The following BTBD9 variants were observed in gnomAD, a reference collection of about 807,000 sequenced individuals.
The protein encoded by BTBD9 is BTB/POZ domain-containing protein 9.
In BTBD9, 49 loss-of-function variants were observed where a neutral mutation model predicts 64.3. The observed-to-expected ratio is 0.76, with a 90% CI of 0.61 to 0.97. The LOEUF (loss-of-function observed/expected upper bound fraction) is 0.97, where lower values mean the gene tolerates loss of function less well. Among genes scored for constraint, BTBD9 ranks in the 50% least tolerant of loss-of-function variants. The probability of loss-of-function intolerance (pLI) is 0.00; values close to 1 mark genes in which losing one functional copy is unlikely to be tolerated. For synonymous variants in BTBD9, 260 were observed against 274.7 expected, an observed-to-expected ratio of 0.95 and a Z score of 0.53; for missense variants, 598 against 762.1, an observed-to-expected ratio of 0.78 and a Z score of 2.53.
In BTBD9 at chr6:38,234,351, A is replaced by C. The variant is rs186990762; in HGVS notation, c.1562+22058T>G. ...TCTAAAGGTGGAGCTATCACCCTGC[A>C]GCTGCTTGGGCCCAGGTATGTGACA... is the stretch of plus-strand genomic sequence containing the variant. On this transcript the variant is annotated intron_variant, in intron 9 of 10. Coordinates refer to ENST00000481247, the MANE Select transcript of BTBD9 (RefSeq NM_001099272.2). 2.4e-3 allele frequency among the ~76,000 whole-genome samples: 360 copies of C among 152,344 alleles called. 8 individuals are homozygous for C. The highest frequency in any genetic ancestry group is 0.023 in the Admixed American group (347 of 15,290).
chr6:38,337,454 T>C (rs1319825488), intron 7 of BTBD9, among the ~76,000 whole-genome samples: 1 of 152,256 alleles, frequency 6.6e-6, no homozygotes, highest in Non-Finnish European at 1.5e-5. Flanking sequence ...ATTATTGCTA[T>C]GTAAATTAGC....
chr6:38,400,003 C>G (rs914240583), intron 6 of BTBD9, among the ~76,000 whole-genome samples: 4 of 151,398 alleles, frequency 2.6e-5, no homozygotes, highest in Non-Finnish European at 4.4e-5. Flanking sequence ...CTCAGGTGAT[C>G]CGCCCGCCTC....
chr6:38,577,689 C>A lies in BTBD9; in HGVS notation c.1065G>T (p.Met355Ile). The change falls in exon 6 of 11, where the codon ATG (methionine) becomes ATT (isoleucine). Residue 355 changes from methionine to isoleucine, a missense_variant. Coordinates refer to ENST00000481247, the MANE Select transcript of BTBD9 (RefSeq NM_001099272.2). ...TCACTCTGACCCAATCAAGTTCATC[C>A]ATTGACACTTCAATGAAGTATGAGT... is the stretch of plus-strand genomic sequence containing the variant. ...RSYSYFIEVS[M>I]DELDWVRVID... 1 of 1,609,582 alleles carries A rather than the reference C, an allele frequency of 6.2e-7. No homozygotes were observed. The highest frequency in any genetic ancestry group is 8.5e-7 in the Non-Finnish European group (1 of 1,179,320).
chr6:38,341,186 A>C (rs140922078), intron 7 of BTBD9, among the ~76,000 whole-genome samples: 1 of 152,338 alleles, frequency 6.6e-6, no homozygotes, highest in African/African-American at 2.4e-5. Flanking sequence ...GATTTACTCA[A>C]CCTATAAAAA....
chr6:38,613,624 T>G (rs1323436913), intron 1 of BTBD9, among the ~76,000 whole-genome samples: 2 of 147,510 alleles, frequency 1.4e-5, no homozygotes, highest in Non-Finnish European at 3.0e-5. Flanking sequence ...AGACTTTATC[T>G]TTTTTAAAAA....
intron 9 of BTBD9, among the ~76,000 whole-genome samples, chr6:38,204,898 T>C (rs1388490252): frequency 1.3e-5 from 2 of 151,878 alleles, no homozygotes; most frequent in Non-Finnish European, 1.5e-5. Flanking sequence ...ATCTTTGAAA[T>C]AGGAATAAAT....
At chr6:38,316,497 A>C (rs187684487) in intron 7 of BTBD9, among the ~76,000 whole-genome samples, 122 of 152,306 alleles carry the variant, frequency 8.0e-4, no homozygotes, top group Admixed American at 7.6e-3. Flanking sequence ...TGAGACTTGC[A>C]AGTAATATGA....
intron 6 of BTBD9, among the ~76,000 whole-genome samples, chr6:38,507,634 T>A (rs189003474): frequency 4.6e-5 from 7 of 152,282 alleles, no homozygotes; most frequent in Admixed American, 6.5e-5. Flanking sequence ...TTGCCTTAAA[T>A]GACAATTCAC....
intron 6 of BTBD9, among the ~76,000 whole-genome samples, chr6:38,461,499 G>A (rs1770083979): frequency 6.6e-6 from 1 of 152,054 alleles, no homozygotes; most frequent in Non-Finnish European, 1.5e-5. Flanking sequence ...TGGATCAATA[G>A]TTCATTCTTT....
At chr6:38,529,140 T>C (rs560731979) in intron 6 of BTBD9, among the ~76,000 whole-genome samples, 1 of 152,154 alleles carries the variant, frequency 6.6e-6, no homozygotes, top group African/African-American at 2.4e-5. Flanking sequence ...ACATCAGCCA[T>C]AGCCAGGCAG....
intron 7 of BTBD9, among the ~76,000 whole-genome samples, chr6:38,338,232 G>C (rs570944848): frequency 6.6e-6 from 1 of 152,308 alleles, no homozygotes; most frequent in South Asian, 2.1e-4. Flanking sequence ...ATACAGCATG[G>C]ATACACTGGA....
At chr6:38,567,509 C>A (rs944048412) in intron 6 of BTBD9, among the ~76,000 whole-genome samples, 2 of 152,208 alleles carry the variant, frequency 1.3e-5, no homozygotes, top group Non-Finnish European at 2.9e-5. Context: ...ACTCCCCCCA[C>A]CTTTCTTCGC....
chr6:38,426,278 T>C (rs1768143453), intron 6 of BTBD9, among the ~76,000 whole-genome samples: 1 of 151,880 alleles, frequency 6.6e-6, no homozygotes. Context: ...GAGAGCTCAC[T>C]AAAATGCTAA....
At chr6:38,391,785 A>C (rs1216492487) in intron 6 of BTBD9, among the ~76,000 whole-genome samples, 1 of 152,196 alleles carries the variant, frequency 6.6e-6, no homozygotes, top group Non-Finnish European at 1.5e-5. Context: ...AAATGAAGTA[A>C]AGCGAAAAGG....
chr6:38,428,499 C>T (rs1039758807), intron 6 of BTBD9, among the ~76,000 whole-genome samples: 3 of 150,790 alleles, frequency 2.0e-5, no homozygotes, highest in Admixed American at 2.0e-4. Context: ...TCGAGTGATC[C>T]GTATTAAAGC....
At chr6:38,526,440 A>T (rs1773496310) in intron 6 of BTBD9, among the ~76,000 whole-genome samples, 2 of 152,182 alleles carry the variant, frequency 1.3e-5, no homozygotes, top group African/African-American at 2.4e-5. Flanking sequence ...GGCAATGTGG[A>T]AGGGAAATGT....
chr6:38,228,371 G>T (rs1336907379), intron 9 of BTBD9, among the ~76,000 whole-genome samples: 1 of 50,542 alleles, frequency 2.0e-5, no homozygotes, highest in Non-Finnish European at 4.4e-5. Flanking sequence ...AAAAAAAAAA[G>T]AGAGAGAGTA....
At chr6:38,228,872 C>CA (rs988963146) in intron 9 of BTBD9, among the ~76,000 whole-genome samples, 4 of 148,544 alleles carry the variant, frequency 2.7e-5, no homozygotes, top group African/African-American at 1.0e-4. Context: ...GGCTCCGTCT[C>CA]AAAAAACAAA....
chr6:38,507,959 G>C (rs943269900), intron 6 of BTBD9, among the ~76,000 whole-genome samples: 1 of 149,778 alleles, frequency 6.7e-6, no homozygotes, highest in African/African-American at 2.5e-5. Flanking sequence ...TCAGCCTCCC[G>C]AGTAGCTGGG....
Sources: gnomAD v4.1 joint callset for allele counts (sites outside exome capture counted in the v4.1 genomes callset) on GRCh38, gnomAD v4.1.1 for gene constraint, MANE v1.5 for transcripts, NCBI Gene and HGNC (gene_info 2026-07-23, HGNC 2026-07-21) for gene names.